SUGT1: variants seen among roughly 807,000 people sequenced by gnomAD.
SUGT1 encodes the protein protein SGT1 homolog.
In SUGT1, 15 loss-of-function variants were observed where a neutral mutation model predicts 56.1. The observed-to-expected ratio is 0.27, with a 90% CI of 0.18 to 0.41. The LOEUF is 0.41. Among genes scored for constraint, SUGT1 ranks in the 10% least tolerant of loss-of-function variants. SUGT1 has a pLI of 1.00. For missense variants in SUGT1, 347 were observed against 382.2 expected, an observed-to-expected ratio of 0.91 and a Z score of 0.77; for synonymous variants, 123 against 128.6, an observed-to-expected ratio of 0.96 and a Z score of 0.30.
At chr13:52,677,573 C>T (rs1348754356) in intron 11 of SUGT1, among the ~76,000 whole-genome samples, 2 of 152,282 alleles carry the variant, frequency 1.3e-5, no homozygotes, top group Middle Eastern at 3.4e-3. Flanking sequence ...ATTCTAACAG[C>T]CCTGCATAAC....
chr13:52,684,088 A>G (rs576615357), intron 12 of SUGT1, among the ~76,000 whole-genome samples: 1 of 151,852 alleles, frequency 6.6e-6, no homozygotes, highest in South Asian at 2.1e-4. Flanking sequence ...TTTTGTAGAG[A>G]TGGGGTTTTG....
chr13:52,665,295 T>C (rs1962648535), intron 8 of SUGT1, among the ~76,000 whole-genome samples: 1 of 152,150 alleles, frequency 6.6e-6, no homozygotes. Flanking sequence ...ATAAAAACTC[T>C]ATTGATGGCA....
rs1189459172 is a variant in SUGT1 at position 52,694,614 on chromosome 13, A to G, written c.*6779A>G. On this transcript the variant is annotated 3_prime_UTR_variant, in exon 13 of 13. Transcript: ENST00000310528. ...GGATTTGTGAAAAATACAAGGTACA[A>G]AATCACGCAGTTTATAAACCACAGA... 6.6e-6 allele frequency: 1 copy of G among 152,258 alleles called. No individual in the cohort carries two copies. Among genetic ancestry groups the G allele is most frequent in the African/African-American group, 2.4e-5 (1 of 41,476 alleles). 9.4% of individuals were successfully genotyped at this position (152,258 alleles called of 1,614,324 possible).
chr13:52,658,553 T>C (rs997124334), intron 4 of SUGT1, 85 bp downstream of exon 4: 74 of 1,295,402 alleles, frequency 5.7e-5, no homozygotes, highest in Non-Finnish European at 7.8e-5. Flanking sequence ...AAGCTTTATA[T>C]AAGTTGTAAA....
At chr13:52,670,261 T>G (rs975121709) in intron 10 of SUGT1, among the ~76,000 whole-genome samples, 1 of 152,228 alleles carries the variant, frequency 6.6e-6, no homozygotes, top group Non-Finnish European at 1.5e-5. Context: ...TATTTTACAG[T>G]GTAGTATCCA....
At chr13:52,683,881 G>GT (rs1241523615) in intron 12 of SUGT1, among the ~76,000 whole-genome samples, 3 of 151,742 alleles carry the variant, frequency 2.0e-5, no homozygotes, top group Admixed American at 2.0e-4. Flanking sequence ...TATTCTTTTT[G>GT]TTTTTTGTCT....
At chr13:52,666,770 A>G (rs1181525052) in intron 9 of SUGT1, 42 bp from the exon 10 acceptor site, 4 of 1,311,596 alleles carry the variant, frequency 3.0e-6, no homozygotes, top group Non-Finnish European at 3.3e-6. Flanking sequence ...ACCCTCCATT[A>G]TATACATTTA....
intron 5 of SUGT1, among the ~76,000 whole-genome samples, chr13:52,660,901 G>A (rs1358603647): frequency 6.6e-6 from 1 of 152,170 alleles, no homozygotes; most frequent in African/African-American, 2.4e-5. Flanking sequence ...CCACCTCTTG[G>A]GCTCAAGTGA....
chr13:52,695,976 T>A lies in SUGT1; in HGVS notation c.*8141T>A, dbSNP rs1022174507. ...CTTTTGTGGCATTGGATTGGGTTATTTGCTTATGGTTGAGACATCACTGGA... is the reference window on the plus strand; with the variant it reads ...CTTTTGTGGCATTGGATTGGGTTATATGCTTATGGTTGAGACATCACTGGA... On this transcript the variant is annotated 3_prime_UTR_variant, in exon 13 of 13. Transcript: ENST00000310528. 4 of 152,360 alleles carry A rather than the reference T, an allele frequency of 2.6e-5. No individual in the cohort carries two copies. The highest frequency in any genetic ancestry group is 5.9e-5 in the Non-Finnish European group (4 of 68,042). 9.4% of individuals were successfully genotyped at this position (152,360 alleles called of 1,614,324 possible). A position where few individuals can be genotyped will look rare whatever the true frequency, so the allele number is the denominator to read the frequency against.
rs759836911 is a variant in SUGT1, at chr13:52,658,483, C to T, written c.257+15C>T. On this transcript the variant is annotated intron_variant, in intron 4 of 12. Coordinates refer to ENST00000310528, the MANE Select transcript of SUGT1 (RefSeq NM_006704.5). ...CTGAGAAAAGGGTATGCAGTAGCTACTCTTCTTGTTGAGCTTGGTATAGAT... is the reference window on the plus strand; with the variant it reads ...CTGAGAAAAGGGTATGCAGTAGCTATTCTTCTTGTTGAGCTTGGTATAGAT... The T allele has an allele frequency of 1.0e-5, 16 of 1,604,610 alleles. No homozygotes were observed. Among genetic ancestry groups the T allele is most frequent in the Non-Finnish European group, 1.0e-5 (12 of 1,177,596 alleles).
In SUGT1 at chr13:52,688,394, A is replaced by C. The variant is rs547169145; in HGVS notation, c.*559A>C. On this transcript the variant is annotated 3_prime_UTR_variant, in exon 13 of 13. Coordinates refer to ENST00000310528, the MANE Select transcript of SUGT1 (RefSeq NM_006704.5). ...AGTTCTTTTAATGGGAAGAATTTGT[A>C]AATTTAATTGCACTGAGATATTTTG... 38 of 152,396 alleles carry C rather than the reference A, an allele frequency of 2.5e-4. No individual in the cohort carries two copies. Among genetic ancestry groups the C allele is most frequent in the African/African-American group, 9.1e-4 (38 of 41,598 alleles). 9.4% of individuals were successfully genotyped at this position (152,396 alleles called of 1,614,324 possible).
At chr13:52,676,407 A>G (rs1034221481) in intron 11 of SUGT1, 87 bp downstream of exon 11, 6 of 1,101,188 alleles carry the variant, frequency 5.4e-6, no homozygotes, top group Admixed American at 5.4e-5. Flanking sequence ...TTTTACTTTC[A>G]TTATTTATGT....
intron 12 of SUGT1, among the ~76,000 whole-genome samples, chr13:52,681,678 A>G (rs1265928279): frequency 1.3e-5 from 2 of 151,994 alleles, no homozygotes; most frequent in African/African-American, 4.8e-5. Flanking sequence ...TCTGGTCTCT[A>G]CAAGAAATTT....
At chr13:52,662,800 C>G in intron 6 of SUGT1, 98 bp downstream of exon 6, 3 of 1,254,756 alleles carry the variant, frequency 2.4e-6, no homozygotes, top group Non-Finnish European at 2.2e-6. Context: ...TTTATAATTT[C>G]TTTTAAATAG....
intron 11 of SUGT1, among the ~76,000 whole-genome samples, chr13:52,679,169 A>G (rs1404146480): frequency 1.3e-5 from 2 of 152,188 alleles, no homozygotes; most frequent in Non-Finnish European, 2.9e-5. Context: ...CTGCTCCTAT[A>G]GCTACTAGGT....
intron 10 of SUGT1, among the ~76,000 whole-genome samples, chr13:52,673,223 T>C (rs537374606): frequency 2.6e-4 from 38 of 144,558 alleles, no homozygotes; most frequent in African/African-American, 9.0e-4. Context: ...CATAGGACAT[T>C]AGTCCCTCCC....
At position 52,659,256 on chromosome 13, in the gene SUGT1, A is replaced by G. The variant is rs771634677; in HGVS notation, c.328+7A>G. The G allele has an allele frequency of 1.4e-6, 2 of 1,430,214 alleles. No homozygotes were observed. The highest frequency in any genetic ancestry group is 1.9e-6 in the Non-Finnish European group (2 of 1,075,590). 88.6% of individuals were successfully genotyped at this position (1,430,214 alleles called of 1,614,324 possible). On this transcript the variant is annotated splice_region_variant and intron_variant, in intron 5 of 12. Coordinates refer to ENST00000310528, the MANE Select transcript of SUGT1 (RefSeq NM_006704.5). ...GAAGGACAAAAATTAGATAGTAAGT[A>G]TTAAAAATTATACTTTAATAAACTT... is the stretch of plus-strand genomic sequence containing the variant.
chr13:52,676,677 T>TC (rs1457601260), intron 11 of SUGT1, among the ~76,000 whole-genome samples: 1 of 152,196 alleles, frequency 6.6e-6, no homozygotes, highest in Admixed American at 6.6e-5. Flanking sequence ...TTCCCCTTCT[T>TC]CCCTCTCCCT....
chr13:52,655,202 G>A (rs1962104016), intron 2 of SUGT1, among the ~76,000 whole-genome samples: 1 of 152,112 alleles, frequency 6.6e-6, no homozygotes, highest in Non-Finnish European at 1.5e-5. Context: ...AAAATTAGCC[G>A]GGCATGGTGG....
Sources: allele counts gnomAD v4.1 joint callset (sites outside exome capture counted in the v4.1 genomes callset), GRCh38; gene constraint gnomAD v4.1.1; transcripts MANE v1.5; gene names NCBI Gene and HGNC (gene_info 2026-07-23, HGNC 2026-07-21).